CBFA2T2: variants seen among roughly 807,000 people sequenced by gnomAD.
CBFA2T2 encodes CBFA2/RUNX1 partner transcriptional co-repressor 2, also known as protein CBFA2T2.
A neutral mutation model predicts 62.2 loss-of-function variants in CBFA2T2; 11 were observed. That is an observed-to-expected ratio of 0.18 (90% confidence interval 0.11 to 0.29). CBFA2T2 has a LOEUF of 0.29. Ranked by LOEUF, CBFA2T2 falls within the 10% of genes least tolerant of loss-of-function variation. The pLI, the probability that CBFA2T2 is intolerant of heterozygous loss-of-function variation, is 1.00. For synonymous variants in CBFA2T2, 295 were observed against 287.5 expected (o/e 1.03, Z -0.27); for missense variants, 592 against 774.1 (o/e 0.76, Z 2.79).
intron 1 of CBFA2T2, among the ~76,000 whole-genome samples, chr20:33,583,997 G>C (rs981795352): frequency 1.3e-5 from 2 of 152,046 alleles, no homozygotes; most frequent in Non-Finnish European, 2.9e-5. Flanking sequence ...CCCTAGGCTG[G>C]AGTGCGGTGG....
intron 1 of CBFA2T2, among the ~76,000 whole-genome samples, chr20:33,547,052 T>C (rs2012593166): frequency 6.6e-6 from 1 of 151,884 alleles, no homozygotes; most frequent in Admixed American, 6.6e-5. Context: ...AATACAAAAA[T>C]TAGCCAGGCA....
At chr20:33,496,763 C>A (rs1426949031) in intron 1 of CBFA2T2, among the ~76,000 whole-genome samples, 6 of 152,160 alleles carry the variant, frequency 3.9e-5, no homozygotes, top group Non-Finnish European at 8.8e-5. Context: ...AAAGGCTTGT[C>A]TGACGTTGAA....
intron 1 of CBFA2T2, among the ~76,000 whole-genome samples, chr20:33,589,127 A>G (rs147647111): frequency 0.022 from 3,355 of 152,310 alleles, 77 homozygotes; most frequent in Non-Finnish European, 0.031. Flanking sequence ...AATGTGGCTT[A>G]AACTAGAGCT....
intron 1 of CBFA2T2, among the ~76,000 whole-genome samples, chr20:33,548,997 C>A: frequency 6.6e-6 from 1 of 151,910 alleles, no homozygotes; most frequent in East Asian, 1.9e-4. Context: ...TCCATCCATC[C>A]ATCCATCCGT....
chr20:33,490,337 C>T, intron 1 of CBFA2T2, 36 bp downstream of exon 1: 2 of 1,271,374 alleles, frequency 1.6e-6, no homozygotes, highest in Admixed American at 3.7e-5. Flanking sequence ...CCGAGGGGGG[C>T]GTGTGAGGGC....
At chr20:33,546,107 T>A (rs924713097) in intron 1 of CBFA2T2, among the ~76,000 whole-genome samples, 1 of 152,216 alleles carries the variant, frequency 6.6e-6, no homozygotes, top group African/African-American at 2.4e-5. Flanking sequence ...CCTCTTAAAT[T>A]TGTTTATCTG....
intron 1 of CBFA2T2, among the ~76,000 whole-genome samples, chr20:33,587,841 A>T (rs2014446654): frequency 6.6e-6 from 1 of 152,216 alleles, no homozygotes; most frequent in Non-Finnish European, 1.5e-5. Context: ...TAAAGCCATT[A>T]ATCTCAACTC....
intron 1 of CBFA2T2, among the ~76,000 whole-genome samples, chr20:33,544,200 C>T (rs929105204): frequency 2.6e-5 from 4 of 152,142 alleles, no homozygotes; most frequent in African/African-American, 9.7e-5. Context: ...ATCTGCTTCC[C>T]TCTCCCTGCC....
intron 1 of CBFA2T2, among the ~76,000 whole-genome samples, chr20:33,527,997 T>C (rs1215951182): frequency 6.6e-6 from 1 of 152,178 alleles, no homozygotes. Context: ...ACAGTTGGGA[T>C]TGCAGGCTCA....
chr20:33,587,411 C>A (rs1434996831), intron 1 of CBFA2T2, among the ~76,000 whole-genome samples: 1 of 152,114 alleles, frequency 6.6e-6, no homozygotes, highest in African/African-American at 2.4e-5. Context: ...GGACTACAGG[C>A]GCCTGCCACA....
intron 1 of CBFA2T2, among the ~76,000 whole-genome samples, chr20:33,550,651 T>C (rs1433804211): frequency 1.4e-5 from 2 of 140,766 alleles, no homozygotes; most frequent in African/African-American, 5.5e-5. Context: ...AGATGGAGTT[T>C]CGCTGTTTTC....
intron 3 of CBFA2T2, among the ~76,000 whole-genome samples, chr20:33,616,114 TA>T (rs2015702222): frequency 6.6e-6 from 1 of 151,728 alleles, no homozygotes; most frequent in Admixed American, 6.6e-5. Context: ...GATAGATAGA[TA>T]GATAGATAGA....
intron 1 of CBFA2T2, among the ~76,000 whole-genome samples, chr20:33,601,196 G>A (rs2015119099): frequency 6.6e-6 from 1 of 152,118 alleles, no homozygotes; most frequent in African/African-American, 2.4e-5. Flanking sequence ...TTACAGGCAG[G>A]AGCCACCCAC....
intron 1 of CBFA2T2, among the ~76,000 whole-genome samples, chr20:33,560,970 C>T (rs1449570180): frequency 9.2e-5 from 14 of 152,070 alleles, no homozygotes; most frequent in Admixed American, 7.2e-4. Flanking sequence ...CTCCACCTCC[C>T]GGGTTCAAGC....
intron 1 of CBFA2T2, among the ~76,000 whole-genome samples, chr20:33,534,595 G>C (rs999183396): frequency 1.3e-5 from 2 of 152,038 alleles, no homozygotes; most frequent in Admixed American, 6.6e-5. Flanking sequence ...TTATAGGCAT[G>C]ATCCATTGCC....
At chr20:33,626,533 TAACA>T (rs547427705) in intron 6 of CBFA2T2, among the ~76,000 whole-genome samples, 53 of 152,348 alleles carry the variant, frequency 3.5e-4, no homozygotes, top group African/African-American at 1.2e-3. Flanking sequence ...AAAGAAACCT[TAACA>T]AACCTCTTCT....
intron 1 of CBFA2T2, among the ~76,000 whole-genome samples, chr20:33,506,220 C>T (rs184854965): frequency 1.3e-5 from 2 of 151,934 alleles, no homozygotes; most frequent in Non-Finnish European, 2.9e-5. Context: ...CCACACTGGG[C>T]CAACACAGAC....
intron 4 of CBFA2T2, among the ~76,000 whole-genome samples, chr20:33,621,458 G>A (rs1194013212): frequency 2.0e-5 from 3 of 151,362 alleles, no homozygotes; most frequent in Non-Finnish European, 2.9e-5. Flanking sequence ...CACCACACCC[G>A]GCTAATTTTT....
At chr20:33,522,825 A>G (rs527660764) in intron 1 of CBFA2T2, among the ~76,000 whole-genome samples, 1 of 152,318 alleles carries the variant, frequency 6.6e-6, no homozygotes, top group Admixed American at 6.5e-5. Flanking sequence ...ATTGAGATGC[A>G]TGAAGAGAGC....
Sources: allele counts gnomAD v4.1 joint callset (sites outside exome capture counted in the v4.1 genomes callset), GRCh38; gene constraint gnomAD v4.1.1; transcripts MANE v1.5; gene names NCBI Gene and HGNC (gene_info 2026-07-23, HGNC 2026-07-21).